Variants in TNFRSF19 observed in about 807,000 individuals in gnomAD.
TNFRSF19 encodes the protein tumor necrosis factor receptor superfamily member 19.
Under a neutral mutation model 46.4 loss-of-function variants are expected in TNFRSF19, and 27 were observed. The ratio of observed to expected loss-of-function variants is 0.58; its 90% CI spans 0.43 to 0.80. The LOEUF (loss-of-function observed/expected upper bound fraction) is 0.80, where lower values mean the gene tolerates loss of function less well. Among genes scored for constraint, TNFRSF19 ranks in the 30% least tolerant of loss-of-function variants. TNFRSF19 has a pLI of 0.00. For synonymous variants in TNFRSF19, 204 were observed against 205.0 expected (o/e 1.00, Z 0.04); for missense variants, 511 against 530.8 (o/e 0.96, Z 0.37).
chr13:23,619,435 A>G (rs1881509743), intron 4 of TNFRSF19, among the ~76,000 whole-genome samples: 1 of 152,102 alleles, frequency 6.6e-6, no homozygotes, highest in South Asian at 2.1e-4. Flanking sequence ...GGATGATGAA[A>G]ATGTCCTAAA....
intron 4 of TNFRSF19, among the ~76,000 whole-genome samples, chr13:23,616,732 G>A (rs1235041198): frequency 1.3e-5 from 2 of 152,010 alleles, no homozygotes; most frequent in African/African-American, 4.8e-5. Context: ...ACAGGCATGC[G>A]CCACCACGCC....
At position 23,593,371 on chromosome 13, in the gene TNFRSF19, A is replaced by C; in HGVS notation, c.96A>C (p.Gly32=). 1 of 1,588,582 alleles carries C rather than the reference A, an allele frequency of 6.3e-7. No individual in the cohort carries two copies. Among genetic ancestry groups the C allele is most frequent in the Non-Finnish European group, 8.5e-7 (1 of 1,173,258 alleles). Residue 32 remains glycine (G), a synonymous_variant, in exon 3 of 10, where the codon GGA becomes GGC. Transcript: ENST00000248484. ...YLSCKVTCES[G]DCRQQEFRDR... The stretch of plus-strand genomic sequence containing the variant: ...CATGTAAAGTGACTTGTGAATCAGG[A>C]GACTGTAGACAGCAAGAATTCAGGG...
At chr13:23,671,262 C>G (rs1350319328) in intron 9 of TNFRSF19, among the ~76,000 whole-genome samples, 1 of 152,124 alleles carries the variant, frequency 6.6e-6, no homozygotes, top group Non-Finnish European at 1.5e-5. Context: ...ACAATTATAT[C>G]TAAACTGAAC....
chr13:23,640,573 C>G (rs1342790826), intron 5 of TNFRSF19, among the ~76,000 whole-genome samples: 1 of 152,208 alleles, frequency 6.6e-6, no homozygotes, highest in African/African-American at 2.4e-5. Flanking sequence ...CTTCTTTCTC[C>G]TAACCACCTT....
chr13:23,582,387 C>G (rs895489874), intron 1 of TNFRSF19, among the ~76,000 whole-genome samples: 1 of 151,462 alleles, frequency 6.6e-6, no homozygotes, highest in Non-Finnish European at 1.5e-5. Flanking sequence ...GGCAACAGTG[C>G]GAGACTCCGT....
intron 5 of TNFRSF19, among the ~76,000 whole-genome samples, chr13:23,645,131 T>C (rs781183860): frequency 1.3e-5 from 2 of 152,244 alleles, no homozygotes; most frequent in Non-Finnish European, 2.9e-5. Context: ...TTTTTAAAAA[T>C]CACCAGTCTT....
chr13:23,616,589 T>C (rs1168421960), intron 4 of TNFRSF19, among the ~76,000 whole-genome samples: 6 of 148,000 alleles, frequency 4.1e-5, no homozygotes, highest in Non-Finnish European at 9.1e-5. Flanking sequence ...TGTTTTGTTT[T>C]GTTCTGTTTT....
intron 5 of TNFRSF19, among the ~76,000 whole-genome samples, chr13:23,649,126 G>A (rs1883489759): frequency 6.6e-6 from 1 of 152,048 alleles, no homozygotes; most frequent in Non-Finnish European, 1.5e-5. Flanking sequence ...TTCATTTTTT[G>A]GGATGAGTTT....
At chr13:23,608,439 C>T (rs1039764701) in intron 3 of TNFRSF19, among the ~76,000 whole-genome samples, 1 of 152,206 alleles carries the variant, frequency 6.6e-6, no homozygotes, top group African/African-American at 2.4e-5. Context: ...ATATAACCAT[C>T]CCCATCTTAT....
chr13:23,615,552 CTTAA>C (rs1881217279), intron 3 of TNFRSF19, among the ~76,000 whole-genome samples: 1 of 152,182 alleles, frequency 6.6e-6, no homozygotes, highest in South Asian at 2.1e-4. Flanking sequence ...ACATGACTGG[CTTAA>C]TTAGAGGAGA....
intron 3 of TNFRSF19, among the ~76,000 whole-genome samples, chr13:23,607,395 C>T (rs745518878): frequency 2.4e-4 from 36 of 152,090 alleles, no homozygotes; most frequent in Non-Finnish European, 4.6e-4. Flanking sequence ...ATTGCACCAC[C>T]GCACTCAAGT....
At chr13:23,662,397 G>A (rs563765665) in intron 7 of TNFRSF19, among the ~76,000 whole-genome samples, 7 of 152,086 alleles carry the variant, frequency 4.6e-5, no homozygotes, top group Admixed American at 3.3e-4. Flanking sequence ...GCCTGTTTTT[G>A]TACTAGTACC....
At chr13:23,623,805 G>T (rs959704869) in intron 4 of TNFRSF19, among the ~76,000 whole-genome samples, 1 of 151,942 alleles carries the variant, frequency 6.6e-6, no homozygotes, top group African/African-American at 2.4e-5. Context: ...CAAGTCCCTT[G>T]CCCATTTTTA....
intron 1 of TNFRSF19, among the ~76,000 whole-genome samples, chr13:23,575,402 G>C (rs1877889350): frequency 6.6e-6 from 1 of 152,164 alleles, no homozygotes. Flanking sequence ...ATTATGTTAA[G>C]ATACAGAAAG....
At chr13:23,603,990 C>G (rs1880343578) in intron 3 of TNFRSF19, among the ~76,000 whole-genome samples, 1 of 151,728 alleles carries the variant, frequency 6.6e-6, no homozygotes, top group African/African-American at 2.4e-5. Flanking sequence ...ACAAGAAATC[C>G]TACCTCATGC....
At chr13:23,651,893 T>TAAAAAAAAAAAAAAAAAAA (rs34023907) in intron 5 of TNFRSF19, among the ~76,000 whole-genome samples, 1 of 9,966 alleles carries the variant, frequency 1.0e-4, no homozygotes, top group Admixed American at 1.8e-3. Flanking sequence ...CATAACATGC[T>TAAAAAAAAAAAAAAAAAAA]AAAAAAAAAA....
At chr13:23,658,958 G>A in intron 5 of TNFRSF19, 92 bp from the exon 6 acceptor site, 6 of 1,540,738 alleles carry the variant, frequency 3.9e-6, no homozygotes, top group Non-Finnish European at 4.4e-6. Context: ...CACAGCATGG[G>A]AAGGCCACTG....
rs571410238 is a variant in TNFRSF19 at position 23,616,576 on chromosome 13, G to GTTTGTTTTGT, written c.359+538_359+547dup. On this transcript the variant is annotated intron_variant, in intron 4 of 9. Transcript: ENST00000248484. ...TCTTATAGGTTTTGTTTGTTTGTTTGTTTGTTTTGTTTTGTTCTGTTTTGA... is the reference window on the plus strand; with the variant it reads ...TCTTATAGGTTTTGTTTGTTTGTTTGTTTGTTTTGTTTTGTTTTGTTTTGTTCTGTTTTGA... 6.6e-5 allele frequency among the ~76,000 whole-genome samples: 7 copies of GTTTGTTTTGT among 106,240 alleles called. 1 individual carries two copies. The highest frequency in any genetic ancestry group is 1.7e-4 in the African/African-American group (6 of 36,076). The allele number at this position is 106,240 out of a possible 152,430, so 69.7% of individuals were successfully genotyped here.
intron 3 of TNFRSF19, among the ~76,000 whole-genome samples, chr13:23,610,876 A>G (rs147702136): frequency 6.6e-6 from 1 of 152,184 alleles, no homozygotes; most frequent in Admixed American, 6.5e-5. Flanking sequence ...ATTGATAAAA[A>G]ATGTCTTCTC....
Sources: allele counts gnomAD v4.1 joint callset (sites outside exome capture counted in the v4.1 genomes callset), GRCh38; gene constraint gnomAD v4.1.1; transcripts MANE v1.5; gene names NCBI Gene and HGNC (gene_info 2026-07-23, HGNC 2026-07-21).